BASP1: variants seen among roughly 807,000 people sequenced by gnomAD.
BASP1 encodes brain acid soluble protein 1.
In BASP1, 1 loss-of-function variant was observed where a neutral mutation model predicts 2.2. The observed-to-expected ratio is 0.46, with a 90% CI of 0.16 to 2.17. The LOEUF (loss-of-function observed/expected upper bound fraction) is 2.17, where lower values mean the gene tolerates loss of function less well. BASP1 is among the 30% of genes most tolerant of loss of function. The pLI is 0.27. For synonymous variants in BASP1, 187 were observed against 154.2 expected (o/e 1.21, Z -1.58); for missense variants, 352 against 327.2 (o/e 1.08, Z -0.58).
At chr5:17,261,170 T>C (rs1740308653) in intron 1 of BASP1, among the ~76,000 whole-genome samples, 1 of 152,206 alleles carries the variant, frequency 6.6e-6, no homozygotes, top group Non-Finnish European at 1.5e-5. Context: ...TTAAGGTTCG[T>C]TTTTTTACAT....
At chr5:17,248,703 G>A (rs1466420602) in intron 1 of BASP1, among the ~76,000 whole-genome samples, 1 of 152,096 alleles carries the variant, frequency 6.6e-6, no homozygotes, top group Non-Finnish European at 1.5e-5. Flanking sequence ...TTTCCAGCCC[G>A]TGTTTACCAT....
At chr5:17,244,380 A>G (rs1739934159) in intron 1 of BASP1, among the ~76,000 whole-genome samples, 1 of 152,224 alleles carries the variant, frequency 6.6e-6, no homozygotes, top group Non-Finnish European at 1.5e-5. Context: ...TTCCAGTATC[A>G]GGAAAACAGA....
rs1363788531 is a variant in BASP1, at chr5:17,236,648, T to C, written c.-10+18838T>C. On this transcript the variant is annotated intron_variant, in intron 1 of 1. Transcript: ENST00000322611. The surrounding 1 kb of genome is among the most constrained non-coding windows in gnomAD (Gnocchi z 4.0). ...AGTTAGATGGCTACTGAATATATCC[T>C]GAGAGCAGGTCCTAAGAGTTTATTT... Among the ~76,000 whole-genome samples the C allele has an allele frequency of 2.0e-5, 3 of 152,166 alleles. No individual in the cohort carries two copies. Among genetic ancestry groups the C allele is most frequent in the Non-Finnish European group, 4.4e-5 (3 of 68,040 alleles).
chr5:17,269,821 C>A (rs1253842366), intron 1 of BASP1, among the ~76,000 whole-genome samples: 1 of 152,108 alleles, frequency 6.6e-6, no homozygotes, highest in Non-Finnish European at 1.5e-5. Context: ...GCTTATTAGC[C>A]AAGATAAGCT....
rs754779068 is a variant in BASP1 at position 17,275,624 on chromosome 5, C to A, written c.408C>A (p.Ala136=). The change falls in exon 2 of 2, where the codon GCC becomes GCA. Residue 136 remains alanine (A), a synonymous_variant. Transcript: ENST00000322611. The surrounding 1 kb of genome is among the most constrained non-coding windows in gnomAD (Gnocchi z 5.3). ...CCCCGGCCGAGAGCGCGGCCCCTGC[C>A]GCCGGGGAGGAGCCCAGCAAGGAGG... ...AAAPAESAAP[A]AGEEPSKEEG... 11 of 1,483,120 alleles carry A rather than the reference C, an allele frequency of 7.4e-6. No individual in the cohort carries two copies. Among genetic ancestry groups the A allele is most frequent in the Non-Finnish European group, 8.9e-6 (10 of 1,119,816 alleles). The allele number at this position is 1,483,120 out of a possible 1,614,324, so 91.9% of individuals were successfully genotyped here. A position where few individuals can be genotyped will look rare whatever the true frequency, so the allele number is the denominator to read the frequency against.
At chr5:17,226,468 G>A (rs1489022873) in intron 1 of BASP1, among the ~76,000 whole-genome samples, 2 of 152,102 alleles carry the variant, frequency 1.3e-5, no homozygotes, top group African/African-American at 2.4e-5. Context: ...ATAGTAACAA[G>A]ATCTAATGGG....
intron 1 of BASP1, among the ~76,000 whole-genome samples, chr5:17,263,105 TC>T (rs1380479232): frequency 6.6e-6 from 1 of 152,088 alleles, no homozygotes; most frequent in Non-Finnish European, 1.5e-5. Flanking sequence ...CCTTGGCCTC[TC>T]AAAGTGCTGG....
chr5:17,264,019 C>G (rs1243299237), intron 1 of BASP1, among the ~76,000 whole-genome samples: 2 of 152,152 alleles, frequency 1.3e-5, no homozygotes, highest in African/African-American at 2.4e-5. Context: ...GAAATTGCCA[C>G]CAGGCACTGA....
chr5:17,253,591 C>G (rs894156937), intron 1 of BASP1, among the ~76,000 whole-genome samples: 1 of 152,206 alleles, frequency 6.6e-6, no homozygotes, highest in Admixed American at 6.5e-5. Context: ...CCACTTTCTT[C>G]TCTATTTTGT....
chr5:17,251,511 G>A lies in BASP1; in HGVS notation c.-9-23697G>A, dbSNP rs539975142. Among the ~76,000 whole-genome samples the A allele has an allele frequency of 6.6e-5, 10 of 152,304 alleles. No homozygotes were observed. The highest frequency in any genetic ancestry group is 1.0e-4 in the Non-Finnish European group (7 of 68,036). On this transcript the variant is annotated intron_variant, in intron 1 of 1. Coordinates refer to ENST00000322611, the MANE Select transcript of BASP1 (RefSeq NM_006317.5). The surrounding 1 kb of genome is among the most constrained non-coding windows in gnomAD (Gnocchi z 4.0). ...TCCACAGTGTTGGTTTCTGTGGAAG[G>A]GTCCAAACAGCGGCTGGAGCTCCAA...
At position 17,275,671 on chromosome 5, in the gene BASP1, A is replaced by C; in HGVS notation, c.455A>C (p.Glu152Ala). 1 of 1,559,668 alleles carries C rather than the reference A, an allele frequency of 6.4e-7. No individual in the cohort carries two copies. Among genetic ancestry groups the C allele is most frequent in the Non-Finnish European group, 8.7e-7 (1 of 1,153,348 alleles). ...GAGGAAGGGGAACCCAAAAAGACTG[A>C]GGCGCCCGCAGCTCCTGCCGCCCAG... ...SKEEGEPKKT[E>A]APAAPAAQET... The change falls in exon 2 of 2, where the codon GAG becomes GCG. Residue 152 changes from glutamate (E) to alanine (A), a missense_variant. Transcript: ENST00000322611. This position sits in a 1 kb window ranked among gnomAD's most constrained non-coding sequence, Gnocchi z 5.3.
At chr5:17,221,980 AC>A (rs1739401409) in intron 1 of BASP1, among the ~76,000 whole-genome samples, 1 of 152,086 alleles carries the variant, frequency 6.6e-6, no homozygotes, top group South Asian at 2.1e-4. Context: ...GGGCTCCTCA[AC>A]CTCTCAGTCT....
intron 1 of BASP1, among the ~76,000 whole-genome samples, chr5:17,259,594 C>G (rs1160438840): frequency 6.6e-6 from 1 of 152,088 alleles, no homozygotes; most frequent in African/African-American, 2.4e-5. Flanking sequence ...ACTGAAAATA[C>G]TACATTTGCT....
intron 1 of BASP1, among the ~76,000 whole-genome samples, chr5:17,242,157 A>G (rs905193466): frequency 1.1e-4 from 17 of 152,174 alleles, no homozygotes; most frequent in African/African-American, 3.9e-4. Flanking sequence ...TAATAGTTTT[A>G]GCAATTACTC....
At chr5:17,247,612 T>TG (rs2126505107) in intron 1 of BASP1, among the ~76,000 whole-genome samples, 1 of 152,314 alleles carries the variant, frequency 6.6e-6, no homozygotes, top group African/African-American at 2.4e-5. Flanking sequence ...TGCCAGTGGC[T>TG]GGGGGTCAAC....
At position 17,257,399 on chromosome 5, in the gene BASP1, C is replaced by T. The variant is rs189952524; in HGVS notation, c.-9-17809C>T. On this transcript the variant is annotated intron_variant, in intron 1 of 1. Coordinates refer to ENST00000322611, the MANE Select transcript of BASP1 (RefSeq NM_006317.5). ...CTGTGTTGAATACAGTAATTGGTCCCACCGATCTTTTACTTAATCTTGAAA... is the reference window on the plus strand; with the variant it reads ...CTGTGTTGAATACAGTAATTGGTCCTACCGATCTTTTACTTAATCTTGAAA... Among the ~76,000 whole-genome samples the T allele has an allele frequency of 1.0e-3, 158 of 152,246 alleles. 1 individual carries two copies. In the Middle Eastern group the frequency reaches 0.034, roughly 33 times the overall value.
At chr5:17,256,354 T>C (rs1001949944) in intron 1 of BASP1, among the ~76,000 whole-genome samples, 2 of 152,188 alleles carry the variant, frequency 1.3e-5, no homozygotes, top group African/African-American at 2.4e-5. Context: ...CTTTTAAGAG[T>C]CATAGTTTTC....
chr5:17,223,765 C>T (rs1283763499), intron 1 of BASP1, among the ~76,000 whole-genome samples: 1 of 151,884 alleles, frequency 6.6e-6, no homozygotes, highest in Non-Finnish European at 1.5e-5. Context: ...CATTCAGATT[C>T]CTGAAAATCC....
At chr5:17,250,836 C>T (rs1210707078) in intron 1 of BASP1, among the ~76,000 whole-genome samples, 15 of 152,036 alleles carry the variant, frequency 9.9e-5, no homozygotes, top group Non-Finnish European at 1.9e-4. Flanking sequence ...GATCTACTGA[C>T]CTCGTGATCC....
Sources: allele counts gnomAD v4.1 joint callset (sites outside exome capture counted in the v4.1 genomes callset), GRCh38; gene constraint gnomAD v4.1.1; non-coding constraint Gnocchi (gnomAD v3.1); transcripts MANE v1.5; gene names NCBI Gene and HGNC (gene_info 2026-07-23, HGNC 2026-07-21).